The following MYRIP variants were observed in gnomAD, a reference collection of about 807,000 sequenced individuals.
MYRIP encodes myosin VIIA and Rab interacting protein, also known as rab effector MyRIP.
MYRIP carries 49 observed loss-of-function variants against 98.0 expected under a neutral mutation model. That is an observed-to-expected ratio of 0.50 (90% CI 0.40 to 0.63). The LOEUF (loss-of-function observed/expected upper bound fraction) is 0.63. Ranked by LOEUF, MYRIP falls within the 30% of genes least tolerant of loss-of-function variation. The pLI, the probability that MYRIP is intolerant of heterozygous loss-of-function variation, is 0.00. For missense variants in MYRIP, 1,004 were observed against 1,058.2 expected (o/e 0.95, Z 0.71); for synonymous variants, 404 against 409.5 (o/e 0.99, Z 0.16).
rs567896988 is a variant in MYRIP, at chr3:39,963,507, A to G, written c.110+62581A>G. ...ACAGTGTGCAAGATGCTATTGATGCAGAGATGAATGAAATAGGTGACTTTG... is the reference window on the plus strand; with the variant it reads ...ACAGTGTGCAAGATGCTATTGATGCGGAGATGAATGAAATAGGTGACTTTG... On this transcript the variant is annotated intron_variant, in intron 2 of 16. Transcript: ENST00000302541. Among the ~76,000 whole-genome samples the G allele has an allele frequency of 5.3e-5, 8 of 152,250 alleles. No homozygotes were observed. In the South Asian group the frequency reaches 1.7e-3, roughly 32 times the overall value.
rs143782990 is a variant in MYRIP, at chr3:39,829,715, C to T, written c.-31+19799C>T. Among the ~76,000 whole-genome samples, 379 of 152,074 alleles carry T rather than the reference C, an allele frequency of 2.5e-3. 3 individuals are homozygous for T. The highest frequency in any genetic ancestry group is 8.6e-3 in the African/African-American group (357 of 41,470). ...CTTTTTTTTATACATAATACCATTG[C>T]ACACCTAATAGATTATAGCATAGTG... is the stretch of plus-strand genomic sequence containing the variant. On this transcript the variant is annotated intron_variant, in intron 1 of 16. Coordinates refer to ENST00000302541, the MANE Select transcript of MYRIP (RefSeq NM_015460.4).
intron 3 of MYRIP, among the ~76,000 whole-genome samples, chr3:40,071,585 T>C (rs80251745): frequency 0.11 from 17,024 of 151,994 alleles, 1,136 homozygotes; most frequent in East Asian, 0.23. Context: ...TTTAGGAATC[T>C]AAGGAGCTGG....
intron 1 of MYRIP, among the ~76,000 whole-genome samples, chr3:39,872,847 A>G (rs1272342101): frequency 1.3e-5 from 2 of 152,344 alleles, no homozygotes; most frequent in Non-Finnish European, 2.9e-5. Context: ...CTTTGGGTAT[A>G]TACCCAGTAA....
chr3:39,906,175 C>T (rs898670197), intron 2 of MYRIP, among the ~76,000 whole-genome samples: 1 of 151,884 alleles, frequency 6.6e-6, no homozygotes, highest in African/African-American at 2.4e-5. Flanking sequence ...TGACCCAAAG[C>T]CTGGGTCATT....
At chr3:40,041,246 C>G (rs1342110460) in intron 2 of MYRIP, among the ~76,000 whole-genome samples, 24 of 117,122 alleles carry the variant, frequency 2.0e-4, no homozygotes, top group African/African-American at 5.6e-4. Flanking sequence ...TCAACTGATA[C>G]TATATAACTG....
intron 11 of MYRIP, among the ~76,000 whole-genome samples, chr3:40,230,989 C>T (rs1405381805): frequency 1.3e-5 from 2 of 152,114 alleles, no homozygotes; most frequent in Non-Finnish European, 2.9e-5. Flanking sequence ...CCACACCTGG[C>T]TAATTTTTGC....
intron 3 of MYRIP, among the ~76,000 whole-genome samples, chr3:40,093,679 C>A (rs751084877): frequency 3.3e-5 from 5 of 152,198 alleles, no homozygotes; most frequent in Admixed American, 6.5e-5. Context: ...TCATTCTTGT[C>A]TCAACATTTT....
intron 4 of MYRIP, among the ~76,000 whole-genome samples, chr3:40,157,797 T>C (rs546351046): frequency 6.7e-6 from 1 of 149,510 alleles, no homozygotes; most frequent in African/African-American, 2.4e-5. Flanking sequence ...GTGTTTGTAG[T>C]ATTCTCTGAT....
At chr3:40,183,777 A>G (rs1950954242) in intron 9 of MYRIP, among the ~76,000 whole-genome samples, 1 of 152,240 alleles carries the variant, frequency 6.6e-6, no homozygotes, top group African/African-American at 2.4e-5. Context: ...TTTCCTGAAT[A>G]ATGAAAACAA....
chr3:40,174,691 C>T (rs575527219), intron 8 of MYRIP: 2 of 152,328 alleles, frequency 1.3e-5, no homozygotes, highest in African/African-American at 4.8e-5. Flanking sequence ...GAAGCCTGGA[C>T]TTGAACCTTT....
At position 40,043,334 on chromosome 3, in the gene MYRIP, G is replaced by C. The variant is rs116803748; in HGVS notation, c.111-716G>C. ...AAAACAACTCAAACCTGCTGATTCAGGGTAATTTTTTTTCTTTTTTTTTCC... is the reference window on the plus strand; with the variant it reads ...AAAACAACTCAAACCTGCTGATTCACGGTAATTTTTTTTCTTTTTTTTTCC... On this transcript the variant is annotated intron_variant, in intron 2 of 16. Coordinates refer to ENST00000302541, the MANE Select transcript of MYRIP (RefSeq NM_015460.4). Among the ~76,000 whole-genome samples, 796 of 152,210 alleles carry C rather than the reference G, an allele frequency of 5.2e-3. 5 individuals are homozygous for C. The highest frequency in any genetic ancestry group is 0.018 in the African/African-American group (742 of 41,552).
intron 10 of MYRIP, among the ~76,000 whole-genome samples, chr3:40,196,488 G>T (rs1951398291): frequency 6.6e-6 from 1 of 152,098 alleles, no homozygotes; most frequent in Non-Finnish European, 1.5e-5. Flanking sequence ...TAGTGAGATG[G>T]ATAACACTTT....
chr3:39,967,211 AATAGTT>A (rs1241811261), intron 2 of MYRIP, among the ~76,000 whole-genome samples: 1 of 152,126 alleles, frequency 6.6e-6, no homozygotes, highest in Non-Finnish European at 1.5e-5. Context: ...CCCAGTACCC[AATAGTT>A]ATCTTTCTGC....
chr3:39,967,111 T>C (rs1945462207), intron 2 of MYRIP, among the ~76,000 whole-genome samples: 1 of 152,238 alleles, frequency 6.6e-6, no homozygotes, highest in African/African-American at 2.4e-5. Flanking sequence ...AATTACTCTT[T>C]TTTTAAACTT....
chr3:40,069,299 A>T (rs1283628910), intron 3 of MYRIP, among the ~76,000 whole-genome samples: 1 of 151,208 alleles, frequency 6.6e-6, no homozygotes, highest in Non-Finnish European at 1.5e-5. Flanking sequence ...ATTTACTATG[A>T]CTCTTCAGGT....
At chr3:40,061,327 A>G (rs1465815338) in intron 3 of MYRIP, among the ~76,000 whole-genome samples, 1 of 152,182 alleles carries the variant, frequency 6.6e-6, no homozygotes, top group Non-Finnish European at 1.5e-5. Context: ...AAGTGAGAAC[A>G]TGTGGTATTT....
chr3:39,925,723 A>G (rs1198132904), intron 2 of MYRIP, among the ~76,000 whole-genome samples: 23 of 152,022 alleles, frequency 1.5e-4, no homozygotes, highest in Admixed American at 1.3e-3. Flanking sequence ...TCTTGATTCA[A>G]TCCACCATTG....
At chr3:40,053,953 A>C (rs1947837330) in intron 3 of MYRIP, among the ~76,000 whole-genome samples, 1 of 152,208 alleles carries the variant, frequency 6.6e-6, no homozygotes, top group South Asian at 2.1e-4. Flanking sequence ...ATCAGGGAAC[A>C]CAGCCCCAAC....
intron 3 of MYRIP, among the ~76,000 whole-genome samples, chr3:40,122,321 A>G (rs1455785032): frequency 6.6e-6 from 1 of 151,808 alleles, no homozygotes; most frequent in Non-Finnish European, 1.5e-5. Context: ...GAAATTAAGG[A>G]GATTATAGAG....
Sources: gnomAD v4.1 joint callset for allele counts (sites outside exome capture counted in the v4.1 genomes callset) on GRCh38, gnomAD v4.1.1 for gene constraint, MANE v1.5 for transcripts, NCBI Gene and HGNC (gene_info 2026-07-23, HGNC 2026-07-21) for gene names.